Variants in STRN3 observed in about 807,000 individuals in gnomAD.
STRN3 encodes striatin 3.
A neutral mutation model predicts 95.6 loss-of-function variants in STRN3; 29 were observed. The observed-to-expected ratio is 0.30, with a 90% CI of 0.23 to 0.41. The LOEUF is 0.41. Ranked by LOEUF, STRN3 falls within the 10% of genes least tolerant of loss-of-function variation. The pLI is 1.00. For missense variants in STRN3, 890 were observed against 972.1 expected (o/e 0.92, Z 1.12); for synonymous variants, 331 against 357.6 (o/e 0.93, Z 0.84).
chr14:30,939,233 T>G (rs940560588), intron 5 of STRN3, among the ~76,000 whole-genome samples: 2 of 152,174 alleles, frequency 1.3e-5, no homozygotes, highest in Non-Finnish European at 2.9e-5. Flanking sequence ...GGTTGTTTGT[T>G]ATATAAATAT....
chr14:31,011,135 A>G (rs987337726), intron 1 of STRN3, among the ~76,000 whole-genome samples: 5 of 152,174 alleles, frequency 3.3e-5, no homozygotes, highest in African/African-American at 1.2e-4. Flanking sequence ...TAAAACCCAG[A>G]AAGTTTGTTT....
At chr14:30,918,860 T>C in intron 9 of STRN3, 106 bp downstream of exon 9, 3 of 1,189,168 alleles carry the variant, frequency 2.5e-6, no homozygotes, top group Non-Finnish European at 3.3e-6. Flanking sequence ...AAAGATCATA[T>C]AAAATGATCA....
chr14:30,897,971 G>T (rs890438800), intron 16 of STRN3, among the ~76,000 whole-genome samples: 1 of 152,060 alleles, frequency 6.6e-6, no homozygotes, highest in Non-Finnish European at 1.5e-5. Flanking sequence ...ATCTGTGATG[G>T]TAAGTTTTAT....
In STRN3 at chr14:30,919,113, A is replaced by C. The variant is rs756081561; in HGVS notation, c.1100-7T>G. On this transcript the variant is annotated splice_region_variant and splice_polypyrimidine_tract_variant and intron_variant, in intron 8 of 17. Transcript: ENST00000357479. ...AGTTTTGTCCTGTTGGCCCCTGTAA[A>C]TTAATGTCAGCAGTAGAGGTTCATT... 1.9e-6 allele frequency: 3 copies of C among 1,598,734 alleles called. No homozygotes were observed. The African/African-American group carries it at 4.0e-5, about 22-fold the overall frequency.
At chr14:30,918,890 G>C in intron 9 of STRN3, 76 bp downstream of exon 9, 1 of 1,353,786 alleles carries the variant, frequency 7.4e-7, no homozygotes, top group Non-Finnish European at 9.8e-7. Flanking sequence ...TATAACAGTA[G>C]CCTAGTTGCA....
At chr14:30,907,093 G>C in intron 13 of STRN3, 49 bp from the exon 14 acceptor site, 1 of 1,583,046 alleles carries the variant, frequency 6.3e-7, no homozygotes. Flanking sequence ...AAGTTTAAAA[G>C]AAACTTTGAT....
At chr14:30,955,572 T>A (rs751390276) in intron 3 of STRN3, 48 bp downstream of exon 3, 12 of 1,482,230 alleles carry the variant, frequency 8.1e-6, no homozygotes, top group African/African-American at 4.4e-5. Context: ...GTCTGTTACA[T>A]AAAAAATGAA....
rs144253750 is a variant in STRN3, at chr14:30,936,580, G to A, written c.761C>T (p.Ala254Val). ...TTCCTCATCTTCATCACTGTCATCG[G>A]CATTTTCTAAGAAATTGAACGTCTC... ...VLETFNFLENADDSDEDEEND... is the reference protein window; with the variant it reads ...VLETFNFLENVDDSDEDEEND... Residue 254 changes from alanine (A) to valine (V), a missense_variant, in exon 6 of 18, where the codon GCC (alanine) becomes GTC (valine). Physicochemically the swap from Ala to Val is moderately conservative, Grantham distance 64. Transcript: ENST00000357479. 7 of 1,613,628 alleles carry A rather than the reference G, an allele frequency of 4.3e-6. No individual in the cohort carries two copies. The East Asian group carries it at 1.6e-4, about 36-fold the overall frequency.
intron 8 of STRN3, among the ~76,000 whole-genome samples, 192 bp from the exon 9 acceptor site, chr14:30,919,298 C>T (rs997968109): frequency 2.5e-4 from 38 of 151,798 alleles, no homozygotes; most frequent in Non-Finnish European, 2.9e-5. Context: ...TTTACTATTT[C>T]TGTGGAGAGA....
rs748057368 is a variant in STRN3 at position 30,905,555 on chromosome 14, T to C, written c.1892A>G (p.His631Arg). The change falls in exon 15 of 18, where the codon CAT becomes CGT. Residue 631 changes from histidine (H) to arginine (R), a missense_variant. By Grantham distance (29) the His-to-Arg change is conservative. Coordinates refer to ENST00000357479, the MANE Select transcript of STRN3 (RefSeq NM_001083893.2). ...CICTYNGDKK[H>R]GIPTSVDFIG... is the part of the protein sequence containing the mutation. The stretch of plus-strand genomic sequence containing the variant: ...AAAGTCAACTGATGTAGGTATTCCA[T>C]GCTCTGAAATGAGCCCAAAGACAGA... 15 of 1,597,772 alleles carry C rather than the reference T, an allele frequency of 9.4e-6. No individual in the cohort carries two copies. Among genetic ancestry groups the C allele is most frequent in the African/African-American group, 1.3e-5 (1 of 74,354 alleles).
chr14:31,018,768 A>G lies in STRN3; in HGVS notation c.282+7136T>C, dbSNP rs182923958. 52 of 470,898 alleles carry G rather than the reference A, an allele frequency of 1.1e-4. No homozygotes were observed. In the Admixed American group the frequency reaches 1.3e-3, roughly 11 times the overall value. The allele number at this position is 470,898 out of a possible 1,614,324, so 29.2% of individuals were successfully genotyped here. A position where few individuals can be genotyped will look rare whatever the true frequency, so the allele number is the denominator to read the frequency against. On this transcript the variant is annotated intron_variant, in intron 1 of 17. Transcript: ENST00000357479. ...GTGCTCCGAACTTGCTCAAATCAAT[A>G]GCAAAGCAGAGAGAAGCTCAACAAC...
At chr14:30,991,706 G>A (rs1431478841) in intron 1 of STRN3, among the ~76,000 whole-genome samples, 2 of 152,144 alleles carry the variant, frequency 1.3e-5, no homozygotes, top group South Asian at 4.2e-4. Context: ...TGTGTTTGGG[G>A]GTGAGGGTGA....
intron 7 of STRN3, among the ~76,000 whole-genome samples, chr14:30,929,923 C>T (rs973025041): frequency 1.9e-5 from 2 of 104,306 alleles, no homozygotes; most frequent in African/African-American, 7.9e-5. Flanking sequence ...CATCTCATTA[C>T]CTTCTTCCAT....
intron 1 of STRN3, among the ~76,000 whole-genome samples, chr14:30,992,184 C>T (rs1395029624): frequency 2.0e-5 from 3 of 151,316 alleles, no homozygotes; most frequent in African/African-American, 4.9e-5. Flanking sequence ...CTGAGGCGGG[C>T]GGATCACCTG....
rs371517737 is a variant in STRN3 at position 30,924,823 on chromosome 14, G to A, written c.1099+4378C>T. On this transcript the variant is annotated intron_variant, in intron 8 of 17. Coordinates refer to ENST00000357479, the MANE Select transcript of STRN3 (RefSeq NM_001083893.2). ...TACAATGTGCTACTGTACTCCATCCGAGGCAGCAGAGTGACAGCCTGTCTC... is the reference window on the plus strand; with the variant it reads ...TACAATGTGCTACTGTACTCCATCCAAGGCAGCAGAGTGACAGCCTGTCTC... Among the ~76,000 whole-genome samples the A allele has an allele frequency of 3.9e-5, 6 of 152,074 alleles. No individual in the cohort carries two copies. The East Asian group carries it at 5.8e-4, about 15-fold the overall frequency.
At chr14:30,920,216 G>T (rs917006063) in intron 8 of STRN3, among the ~76,000 whole-genome samples, 2 of 152,034 alleles carry the variant, frequency 1.3e-5, no homozygotes, top group Non-Finnish European at 2.9e-5. Context: ...TACATTTATT[G>T]GTCCTATTTT....
intron 1 of STRN3, among the ~76,000 whole-genome samples, chr14:30,974,495 C>T (rs902639551): frequency 2.0e-5 from 3 of 151,764 alleles, no homozygotes; most frequent in African/African-American, 7.3e-5. Context: ...CCAAAGCAAT[C>T]CACAGATTCA....
chr14:31,001,675 T>C (rs565844542), intron 1 of STRN3, among the ~76,000 whole-genome samples: 22 of 152,266 alleles, frequency 1.4e-4, no homozygotes, highest in African/African-American at 4.6e-4. Context: ...TCAGAGACAT[T>C]TGTACACGTT....
intron 16 of STRN3, among the ~76,000 whole-genome samples, chr14:30,900,747 CAAA>C (rs57963139): frequency 1.3e-4 from 17 of 131,982 alleles, no homozygotes; most frequent in Non-Finnish European, 1.9e-4. Context: ...AAGACTGGCT[CAAA>C]AAAAAAAAAA....
Sources: allele counts gnomAD v4.1 joint callset (sites outside exome capture counted in the v4.1 genomes callset), GRCh38; gene constraint gnomAD v4.1.1; transcripts MANE v1.5; gene names NCBI Gene and HGNC (gene_info 2026-07-23, HGNC 2026-07-21).